AASDH: variants seen among roughly 807,000 people sequenced by gnomAD.
The protein encoded by AASDH is beta-alanine-activating enzyme.
A neutral mutation model predicts 102.3 loss-of-function variants in AASDH; 81 were observed. The ratio of observed to expected loss-of-function variants is 0.79; its 90% CI spans 0.66 to 0.95. AASDH has a LOEUF of 0.95. Ranked by LOEUF, AASDH falls within the 40% of genes least tolerant of loss-of-function variation. AASDH has a pLI of 0.00. For missense variants in AASDH, 1,203 were observed against 1,266.2 expected (o/e 0.95, Z 0.76); for synonymous variants, 398 against 454.0 (o/e 0.88, Z 1.57).
chr4:56,363,600 C>G (rs898869158), intron 5 of AASDH, among the ~76,000 whole-genome samples: 2 of 152,148 alleles, frequency 1.3e-5, no homozygotes, highest in African/African-American at 4.8e-5. Context: ...CTGCTGATAC[C>G]CAGGCAAACA....
intron 5 of AASDH, among the ~76,000 whole-genome samples, chr4:56,355,807 A>G (rs1749571064): frequency 1.3e-5 from 2 of 151,578 alleles, no homozygotes; most frequent in Admixed American, 1.3e-4. Context: ...TTTTTGTACA[A>G]ATGGGGCCTG....
chr4:56,356,679 T>C, intron 5 of AASDH: 1 of 689,294 alleles, frequency 1.5e-6, no homozygotes. Flanking sequence ...CTTATTGCAT[T>C]ATCAAGGGGA....
At chr4:56,379,627 T>C (rs1017281842) in intron 3 of AASDH, among the ~76,000 whole-genome samples, 2 of 152,214 alleles carry the variant, frequency 1.3e-5, no homozygotes, top group African/African-American at 4.8e-5. Flanking sequence ...ACCAGACATA[T>C]ACAAGCAATT....
At chr4:56,350,805 T>G (rs1419881916) in intron 10 of AASDH, among the ~76,000 whole-genome samples, 1 of 152,184 alleles carries the variant, frequency 6.6e-6, no homozygotes, top group Non-Finnish European at 1.5e-5. Context: ...CCTCTATTTT[T>G]AGACAAGGCT....
chr4:56,363,183 C>T (rs1167717903), intron 5 of AASDH, among the ~76,000 whole-genome samples: 1 of 152,176 alleles, frequency 6.6e-6, no homozygotes, highest in Non-Finnish European at 1.5e-5. Flanking sequence ...GGGAGGGGCG[C>T]CCACCATCGC....
chr4:56,348,770 A>G (rs1205622250), intron 11 of AASDH, among the ~76,000 whole-genome samples: 1 of 152,138 alleles, frequency 6.6e-6, no homozygotes, highest in African/African-American at 2.4e-5. Flanking sequence ...CAAAGAACTG[A>G]GGCTTTCTGC....
intron 4 of AASDH, 43 bp from the exon 5 acceptor site, chr4:56,371,686 C>A: frequency 6.6e-7 from 1 of 1,517,240 alleles, no homozygotes; most frequent in Non-Finnish European, 8.9e-7. Context: ...GTCAAACATT[C>A]AGTAAGCACA....
At chr4:56,354,362 G>T (rs1749351282) in intron 7 of AASDH, 151 bp from the exon 8 acceptor site, 2 of 625,996 alleles carry the variant, frequency 3.2e-6, no homozygotes, top group Admixed American at 7.7e-5. Flanking sequence ...GATAAAATCA[G>T]ACACAATAAG....
chr4:56,345,869 T>A (rs1019519933), intron 11 of AASDH, among the ~76,000 whole-genome samples: 25 of 152,206 alleles, frequency 1.6e-4, no homozygotes, highest in African/African-American at 6.0e-4. Context: ...CACAGTGAAG[T>A]AAGTACTATT....
rs755614343 is a variant in AASDH, at chr4:56,338,621, A to G, written c.3078T>C (p.Ala1026=). ...TTSRVYATPF[A]FHNYNGSNEM... ...CATTGCTGCCATTGTAGTTATGGAA[A>G]GCAAACGGTGTTGCATAGACCCTTG... The change falls in exon 15 of 15, where the codon GCT becomes GCC. Residue 1026 remains alanine (A), a synonymous_variant. Coordinates refer to ENST00000205214, the MANE Select transcript of AASDH (RefSeq NM_181806.4). 2 of 1,614,190 alleles carry G rather than the reference A, an allele frequency of 1.2e-6. No homozygotes were observed. The highest frequency in any genetic ancestry group is 3.3e-5 in the Admixed American group (2 of 60,024).
At position 56,375,476 on chromosome 4, in the gene AASDH, A is replaced by C. The variant is rs554599237; in HGVS notation, c.668+2672T>G. 4.6e-5 allele frequency among the ~76,000 whole-genome samples: 7 copies of C among 152,352 alleles called. No homozygotes were observed. The East Asian group carries it at 1.3e-3, about 29-fold the overall frequency. Reference sequence around the variant, plus strand: ...CACCTCACTTAAGAACCTAAAAGCAAACCAAAAAAAGATTTCTAACAGGCA... The same window carrying C: ...CACCTCACTTAAGAACCTAAAAGCACACCAAAAAAAGATTTCTAACAGGCA... On this transcript the variant is annotated intron_variant, in intron 4 of 14. Transcript: ENST00000205214.
At position 56,371,630 on chromosome 4, in the gene AASDH, T is replaced by A; in HGVS notation, c.682A>T (p.Ile228Phe). ...NIQHFRVLFD[I>F]TQEDVLFLAS... ...AGAAACAAAACATCTTCTTGTGTGA[T>A]GTCAAAAAGTACCCTAAGGCAAAAC... is the stretch of plus-strand genomic sequence containing the variant. Residue 228 changes from isoleucine to phenylalanine, a missense_variant, in exon 5 of 15, where the codon ATC becomes TTC. Coordinates refer to ENST00000205214, the MANE Select transcript of AASDH (RefSeq NM_181806.4). The A allele has an allele frequency of 6.2e-7, 1 of 1,603,090 alleles. No individual in the cohort carries two copies. The highest frequency in any genetic ancestry group is 8.5e-7 in the Non-Finnish European group (1 of 1,177,744).
chr4:56,378,314 T>C lies in AASDH; in HGVS notation c.502A>G (p.Lys168Glu), dbSNP rs765135661. 2.5e-6 allele frequency: 4 copies of C among 1,614,182 alleles called. No individual in the cohort carries two copies. The South Asian group carries it at 4.4e-5, about 18-fold the overall frequency. ...TTGACATGCTCAGAACTTATGCTTT[T>C]TATTTTTTCTTTTTCATATTTCTCT... ...GKEKYEKEKIKSISSEHVNEE... is the reference protein window; with the variant it reads ...GKEKYEKEKIESISSEHVNEE... Residue 168 changes from lysine (K) to glutamate (E), a missense_variant, in exon 4 of 15, where the codon AAA (lysine) becomes GAA (glutamate). By Grantham distance (56) the Lys-to-Glu change is moderately conservative (BLOSUM62 1). Transcript: ENST00000205214.
At chr4:56,345,360 C>G in intron 11 of AASDH, 70 bp from the exon 12 acceptor site, 1 of 1,440,010 alleles carries the variant, frequency 6.9e-7, no homozygotes, top group Non-Finnish European at 9.5e-7. Context: ...TAGCCTACAG[C>G]ATGCAATTTA....
At chr4:56,381,452 C>A (rs561415658) in intron 3 of AASDH, among the ~76,000 whole-genome samples, 2 of 152,026 alleles carry the variant, frequency 1.3e-5, no homozygotes, top group East Asian at 3.9e-4. Flanking sequence ...GTGGCATGCA[C>A]CTGTAATTCC....
chr4:56,339,254 AG>A (rs1189145823), intron 14 of AASDH, among the ~76,000 whole-genome samples: 2 of 151,798 alleles, frequency 1.3e-5, no homozygotes, highest in Non-Finnish European at 1.5e-5. Flanking sequence ...GCCAGGTTGA[AG>A]CGCTTCTCCC....
At chr4:56,343,797 T>C (rs754853019) in intron 12 of AASDH, 113 bp from the exon 13 acceptor site, 22 of 1,054,138 alleles carry the variant, frequency 2.1e-5, no homozygotes, top group Middle Eastern at 2.5e-4. Context: ...ATCTTTAGTA[T>C]AAAGTACATG....
chr4:56,346,438 A>G (rs1360008139), intron 11 of AASDH, among the ~76,000 whole-genome samples: 1 of 152,150 alleles, frequency 6.6e-6, no homozygotes. Context: ...AGACAATACA[A>G]AAGAAAATCT....
In AASDH at chr4:56,343,667, C is replaced by T; in HGVS notation, c.2670G>A (p.Trp890Ter). 6.2e-7 allele frequency: 1 copy of T among 1,608,070 alleles called. No homozygotes were observed. Among genetic ancestry groups the T allele is most frequent in the Non-Finnish European group, 8.5e-7 (1 of 1,177,626 alleles). The change falls in exon 13 of 15, where the codon TGG (tryptophan) becomes TGA (stop). Residue 890 changes from tryptophan (W) to a stop codon, truncating the protein, a stop_gained. Transcript: ENST00000205214. LOFTEE classifies it high-confidence loss of function. ...ALDIYRKKCVWKSKCGGTVFS... is the reference protein window; with the variant it reads ...ALDIYRKKCV ...AGACAGTTCCTCCACATTTTGACTT[C>T]CAAACACACTTCTTTCTCTGCAAAT...
Sources: gnomAD v4.1 joint callset for allele counts (sites outside exome capture counted in the v4.1 genomes callset) on GRCh38, gnomAD v4.1.1 for gene constraint, MANE v1.5 for transcripts, NCBI Gene and HGNC (gene_info 2026-07-23, HGNC 2026-07-21) for gene names.